GNAI3: variants seen among roughly 807,000 people sequenced by gnomAD.
GNAI3 encodes the protein guanine nucleotide-binding protein G(i) subunit alpha-3.
A neutral mutation model predicts 41.8 loss-of-function variants in GNAI3; 12 were observed. The ratio of observed to expected loss-of-function variants is 0.29; its 90% confidence interval spans 0.18 to 0.47. The LOEUF is 0.47. Ranked by LOEUF, GNAI3 falls within the 20% of genes least tolerant of loss-of-function variation. The pLI, the probability that GNAI3 is intolerant of heterozygous loss-of-function variation, is 1.00. For missense variants in GNAI3, 360 were observed against 429.6 expected (o/e 0.84, Z 1.43); for synonymous variants, 132 against 146.5 (o/e 0.90, Z 0.71).
At position 109,592,947 on chromosome 1, in the gene GNAI3, A is replaced by G. The variant is rs1417775007; in HGVS notation, c.*625A>G. ...GAAATTTATGTTATTATCCTGCTCA[A>G]AGTACCATTATGGTTTCCATATGGT... On this transcript the variant is annotated 3_prime_UTR_variant, in exon 9 of 9. Coordinates refer to ENST00000369851, the MANE Select transcript of GNAI3 (RefSeq NM_006496.4). 2.0e-5 allele frequency: 3 copies of G among 152,674 alleles called. No homozygotes were observed. Among genetic ancestry groups the G allele is most frequent in the South Asian group, 2.1e-4 (1 of 4,834 alleles). The allele number at this position is 152,674 out of a possible 1,614,324, so 9.5% of individuals were successfully genotyped here. A position where few individuals can be genotyped will look rare whatever the true frequency, so the allele number is the denominator to read the frequency against.
intron 4 of GNAI3, among the ~76,000 whole-genome samples, chr1:109,582,002 C>A (rs901818494): frequency 2.0e-5 from 3 of 151,964 alleles, no homozygotes; most frequent in African/African-American, 7.3e-5. Context: ...TTATTTCTTT[C>A]TTTTTTTAAG....
chr1:109,574,006 T>A lies in GNAI3; in HGVS notation c.272T>A (p.Leu91Gln). Residue 91 changes from leucine to glutamine, a missense_variant, in exon 3 of 9, where the codon CTA (leucine) becomes CAA (glutamine). Transcript: ENST00000369851. ...IIAIIRAMGR[L>Q]KIDFGEAARA... is the part of the protein sequence containing the mutation. ...GCAATCATAAGAGCCATGGGACGGC[T>A]AAAGATTGACTTTGGGGAAGCTGCC... is the stretch of plus-strand genomic sequence containing the variant. 2 of 1,612,372 alleles carry A rather than the reference T, an allele frequency of 1.2e-6. No individual in the cohort carries two copies. Among genetic ancestry groups the A allele is most frequent in the Non-Finnish European group, 8.5e-7 (1 of 1,178,932 alleles).
At chr1:109,565,512 G>A (rs1648428617) in intron 1 of GNAI3, among the ~76,000 whole-genome samples, 1 of 152,046 alleles carries the variant, frequency 6.6e-6, no homozygotes, top group Admixed American at 6.5e-5. Flanking sequence ...GCATAGGAAT[G>A]GAAATCTTCC....
chr1:109,577,240 G>A (rs575718534), intron 3 of GNAI3, among the ~76,000 whole-genome samples: 11 of 151,062 alleles, frequency 7.3e-5, no homozygotes, highest in African/African-American at 2.7e-4. Flanking sequence ...TGAAAAGAAA[G>A]GGAGGGGCAT....
intron 7 of GNAI3, chr1:109,591,581 A>C: frequency 1.7e-6 from 1 of 603,822 alleles, no homozygotes; most frequent in Admixed American, 2.5e-5. Context: ...TTGCGCGGGG[A>C]CTGTGCTAAT....
In GNAI3 at chr1:109,595,501, T is replaced by A. The variant is rs144905386; in HGVS notation, c.*3179T>A. On this transcript the variant is annotated 3_prime_UTR_variant, in exon 9 of 9. Transcript: ENST00000369851. ...TTTAAAAAAAACTTCTTGCCTTGTT[T>A]TTTTAATTTTCATATATATTCTATT... is the stretch of plus-strand genomic sequence containing the variant. 29 of 152,340 alleles carry A rather than the reference T, an allele frequency of 1.9e-4. No homozygotes were observed. The highest frequency in any genetic ancestry group is 7.0e-4 in the African/African-American group (29 of 41,572). 9.4% of individuals were successfully genotyped at this position (152,340 alleles called of 1,614,324 possible).
At chr1:109,577,858 T>C (rs989432918) in intron 3 of GNAI3, among the ~76,000 whole-genome samples, 4 of 152,242 alleles carry the variant, frequency 2.6e-5, no homozygotes, top group Admixed American at 2.6e-4. Context: ...TGAGTTCACC[T>C]GTGGTCTGAA....
At chr1:109,562,193 A>G (rs1648328400) in intron 1 of GNAI3, among the ~76,000 whole-genome samples, 2 of 152,124 alleles carry the variant, frequency 1.3e-5, no homozygotes, top group Non-Finnish European at 2.9e-5. Flanking sequence ...TGGCAGATCA[A>G]AAATACTGGG....
intron 1 of GNAI3, 107 bp downstream of exon 1, chr1:109,548,945 G>C: frequency 1.2e-5 from 9 of 721,616 alleles, no homozygotes; most frequent in Non-Finnish European, 1.7e-5. Context: ...AAAGGGATCT[G>C]GAGGGCGTGC....
Position 109,594,702 on chromosome 1 carries a change from G to GA in GNAI3, c.*2381dup, listed in dbSNP as rs538890211. 56 of 147,554 alleles carry GA rather than the reference G, an allele frequency of 3.8e-4. No individual in the cohort carries two copies. The highest frequency in any genetic ancestry group is 1.3e-3 in the African/African-American group (51 of 39,662). 9.1% of individuals were successfully genotyped at this position (147,554 alleles called of 1,614,324 possible). ...GAGTCTCGCTCTGTCGCCCAGGCTGGAGTGCAGTGGCGCGATCTCGGCTTA... is the reference window on the plus strand; with the variant it reads ...GAGTCTCGCTCTGTCGCCCAGGCTGGAAGTGCAGTGGCGCGATCTCGGCTTA... On this transcript the variant is annotated 3_prime_UTR_variant, in exon 9 of 9. Coordinates refer to ENST00000369851, the MANE Select transcript of GNAI3 (RefSeq NM_006496.4).
chr1:109,566,799 G>A (rs2101096362), intron 1 of GNAI3, among the ~76,000 whole-genome samples: 1 of 152,276 alleles, frequency 6.6e-6, no homozygotes, highest in Non-Finnish European at 1.5e-5. Context: ...CTGACCTCAG[G>A]TGATCCACCC....
intron 4 of GNAI3, among the ~76,000 whole-genome samples, chr1:109,580,982 G>A (rs1296178439): frequency 1.3e-5 from 2 of 152,066 alleles, no homozygotes; most frequent in African/African-American, 4.8e-5. Context: ...TTCTACCAGT[G>A]GTCATCAAAG....
chr1:109,550,044 G>T (rs929227992), intron 1 of GNAI3, among the ~76,000 whole-genome samples: 5 of 152,086 alleles, frequency 3.3e-5, no homozygotes, highest in African/African-American at 1.2e-4. Flanking sequence ...AGGAGTAGGG[G>T]TTTCTACAGA....
chr1:109,585,296 G>C (rs940164855), intron 5 of GNAI3, among the ~76,000 whole-genome samples: 3 of 152,220 alleles, frequency 2.0e-5, no homozygotes, highest in African/African-American at 7.2e-5. Flanking sequence ...TGAGGATGCT[G>C]TTGATAGAAG....
chr1:109,573,632 C>T, intron 1 of GNAI3, 105 bp from the exon 2 acceptor site: 3 of 893,846 alleles, frequency 3.4e-6, no homozygotes, highest in South Asian at 1.5e-5. Context: ...CAAAATTTTC[C>T]CTAGGACCCG....
At position 109,596,800 on chromosome 1, in the gene GNAI3, C is replaced by A. The variant is rs1250701228; in HGVS notation, c.*4478C>A. On this transcript the variant is annotated 3_prime_UTR_variant, in exon 9 of 9. Transcript: ENST00000369851. ...TGATTTAGCAGATTCTTTGGCTAAACCCTAGTAAATTAAAATGTCTGAGCC... is the reference window on the plus strand; with the variant it reads ...TGATTTAGCAGATTCTTTGGCTAAAACCTAGTAAATTAAAATGTCTGAGCC... The A allele has an allele frequency of 1.3e-5, 2 of 152,172 alleles. No homozygotes were observed. The highest frequency in any genetic ancestry group is 4.8e-5 in the African/African-American group (2 of 41,416). The allele number at this position is 152,172 out of a possible 1,614,324, so 9.4% of individuals were successfully genotyped here. A position where few individuals can be genotyped will look rare whatever the true frequency, so the allele number is the denominator to read the frequency against.
chr1:109,578,399 G>A (rs1269470108), intron 3 of GNAI3, among the ~76,000 whole-genome samples: 1 of 149,258 alleles, frequency 6.7e-6, no homozygotes, highest in Non-Finnish European at 1.5e-5. Flanking sequence ...GAACCCAGGA[G>A]GCGGAGGTTA....
chr1:109,549,847 A>T (rs1242942882), intron 1 of GNAI3, among the ~76,000 whole-genome samples: 1 of 152,198 alleles, frequency 6.6e-6, no homozygotes, highest in African/African-American at 2.4e-5. Context: ...ACACAGTCGG[A>T]TGTATTTTAC....
rs192226499 is a variant in GNAI3 at position 109,599,497 on chromosome 1, T to A, written c.*7175T>A. The A allele has an allele frequency of 6.6e-6, 1 of 152,380 alleles. No individual in the cohort carries two copies. Among genetic ancestry groups the A allele is most frequent in the African/African-American group, 2.4e-5 (1 of 41,588 alleles). 9.4% of individuals were successfully genotyped at this position (152,380 alleles called of 1,614,324 possible). A position where few individuals can be genotyped will look rare whatever the true frequency, so the allele number is the denominator to read the frequency against. On this transcript the variant is annotated 3_prime_UTR_variant, in exon 9 of 9. Transcript: ENST00000369851. The stretch of plus-strand genomic sequence containing the variant: ...CATATAAGTGGAATCATAGTATTTG[T>A]CCTTTTGTGTCAATCATATTGTATT...
Sources: allele counts gnomAD v4.1 joint callset (sites outside exome capture counted in the v4.1 genomes callset), GRCh38; gene constraint gnomAD v4.1.1; transcripts MANE v1.5; gene names NCBI Gene and HGNC (gene_info 2026-07-23, HGNC 2026-07-21).